The following ME1 variants were observed in gnomAD, a reference collection of about 807,000 sequenced individuals.
ME1 encodes NADP-dependent malic enzyme.
Under a neutral mutation model 66.4 loss-of-function variants are expected in ME1, and 74 were observed. The ratio of observed to expected loss-of-function variants is 1.11; its 90% CI spans 0.92 to 1.35. The LOEUF is 1.35. Among genes scored for constraint, ME1 ranks in the 40% most tolerant of loss-of-function variants. The probability of loss-of-function intolerance (pLI) is 0.00; values close to 1 mark genes in which losing one functional copy is unlikely to be tolerated. For synonymous variants in ME1, 251 were observed against 235.6 expected (o/e 1.07, Z -0.60); for missense variants, 750 against 694.1 (o/e 1.08, Z -0.90).
intron 5 of ME1, among the ~76,000 whole-genome samples, chr6:83,321,003 G>T (rs1175578995): frequency 6.6e-6 from 1 of 152,134 alleles, no homozygotes; most frequent in Non-Finnish European, 1.5e-5. Context: ...CCCACAGAGG[G>T]CAAGGAGAAG....
At chr6:83,407,604 A>G (rs1769970249) in intron 2 of ME1, among the ~76,000 whole-genome samples, 164 bp downstream of exon 2, 1 of 152,228 alleles carries the variant, frequency 6.6e-6, no homozygotes, top group Non-Finnish European at 1.5e-5. Context: ...ATGTTCCTAA[A>G]GAGAGTAAAT....
chr6:83,238,799 A>ACATATATATATAT (rs1554263094), intron 8 of ME1, among the ~76,000 whole-genome samples: 1 of 139,290 alleles, frequency 7.2e-6, no homozygotes, highest in African/African-American at 2.6e-5. Context: ...TTTCTTGAAA[A>ACATATATATATAT]ATATATATAT....
chr6:83,313,702 G>A (rs188737200), intron 6 of ME1, among the ~76,000 whole-genome samples: 37 of 152,206 alleles, frequency 2.4e-4, no homozygotes, highest in East Asian at 5.8e-4. Context: ...TTACATGAGC[G>A]TTTCACAAGA....
chr6:83,289,017 T>C (rs1199586580), intron 6 of ME1, among the ~76,000 whole-genome samples: 1 of 152,232 alleles, frequency 6.6e-6, no homozygotes, highest in East Asian at 1.9e-4. Flanking sequence ...GAGACTTTGC[T>C]GAAGTTGCTT....
At chr6:83,303,715 A>G (rs778199377) in intron 6 of ME1, among the ~76,000 whole-genome samples, 40 of 152,268 alleles carry the variant, frequency 2.6e-4, no homozygotes, top group Non-Finnish European at 4.9e-4. Flanking sequence ...CCACTTTCAT[A>G]GAATCCTAAA....
At position 83,287,523 on chromosome 6, in the gene ME1, T is replaced by C. The variant is rs144703723; in HGVS notation, c.704+27787A>G. Among the ~76,000 whole-genome samples the C allele has an allele frequency of 6.6e-3, 999 of 152,328 alleles. 10 individuals are homozygous for C. Among genetic ancestry groups the C allele is most frequent in the African/African-American group, 0.023 (948 of 41,574 alleles). On this transcript the variant is annotated intron_variant, in intron 6 of 13. Transcript: ENST00000369705. ...GCTGCGTAGTATTCCAGAGTATATATGTGCCACATTTTCTTAATCCAGTCT... is the reference window on the plus strand; with the variant it reads ...GCTGCGTAGTATTCCAGAGTATATACGTGCCACATTTTCTTAATCCAGTCT...
At position 83,223,840 on chromosome 6, in the gene ME1, C is replaced by T. The variant is rs763059246; in HGVS notation, c.1369G>A (p.Val457Met). Residue 457 changes from valine to methionine, a missense_variant, in exon 12 of 14, where the codon GTG becomes ATG. Physicochemically the swap from Val to Met is conservative, Grantham distance 21. Transcript: ENST00000369705. The part of the protein sequence containing the change: ...LYPGQGNNSY[V>M]FPGVALGVVA... ...ACACCAAGAGCAACTCCAGGGAACACATAGGAATTGTTGCCTTGGCCAGGA... is the reference window on the plus strand; with the variant it reads ...ACACCAAGAGCAACTCCAGGGAACATATAGGAATTGTTGCCTTGGCCAGGA... 6.2e-7 allele frequency: 1 copy of T among 1,614,002 alleles called. No homozygotes were observed. Among genetic ancestry groups the T allele is most frequent in the South Asian group, 1.1e-5 (1 of 91,070 alleles).
chr6:83,393,214 A>C (rs752252417), intron 3 of ME1: 10 of 1,157,092 alleles, frequency 8.6e-6, no homozygotes, highest in Non-Finnish European at 1.3e-5. Context: ...GACCCCCTCA[A>C]AGGCATCCTG....
rs59788379 is a variant in ME1, at chr6:83,406,971, T to TACACACACACACACACACAC, written c.212+777_212+796dup. Among the ~76,000 whole-genome samples, 729 of 143,922 alleles carry TACACACACACACACACACAC rather than the reference T, an allele frequency of 5.1e-3. 7 individuals carry two copies. Among genetic ancestry groups the TACACACACACACACACACAC allele is most frequent in the African/African-American group, 0.018 (676 of 38,502 alleles). The allele number at this position is 143,922 out of a possible 152,430, so 94.4% of individuals were successfully genotyped here. A position where few individuals can be genotyped will look rare whatever the true frequency, so the allele number is the denominator to read the frequency against. On this transcript the variant is annotated intron_variant, in intron 2 of 13. Coordinates refer to ENST00000369705, the MANE Select transcript of ME1 (RefSeq NM_002395.6). ...CCATTTATATTTATATTTTCATTCA[T>TACACACACACACACACACAC]ACACACACACACACACACACACACA...
At chr6:83,220,663 C>T (rs1583324669) in intron 12 of ME1, among the ~76,000 whole-genome samples, 2 of 152,142 alleles carry the variant, frequency 1.3e-5, no homozygotes, top group South Asian at 4.1e-4. Context: ...ATAATCTAGA[C>T]AAGAAGTACT....
intron 11 of ME1, 115 bp from the exon 12 acceptor site, chr6:83,224,048 G>GT: frequency 1.1e-6 from 1 of 938,850 alleles, no homozygotes; most frequent in Non-Finnish European, 1.6e-6. Context: ...AAGAAGTCTA[G>GT]TTTTTTATTA....
chr6:83,255,359 T>G lies in ME1; in HGVS notation c.705-1621A>C, dbSNP rs1005805008. Among the ~76,000 whole-genome samples, 15 of 152,080 alleles carry G rather than the reference T, an allele frequency of 9.9e-5. No homozygotes were observed. In the South Asian group the frequency reaches 3.1e-3, roughly 32 times the overall value. ...ATGGCTTTTCTAATCTAGTACACTG[T>G]GCCATTAATTATTTAGACAGTGTTC... On this transcript the variant is annotated intron_variant, in intron 6 of 13. Coordinates refer to ENST00000369705, the MANE Select transcript of ME1 (RefSeq NM_002395.6).
chr6:83,352,772 A>T (rs1254961395), intron 3 of ME1, among the ~76,000 whole-genome samples: 1 of 152,212 alleles, frequency 6.6e-6, no homozygotes, highest in Non-Finnish European at 1.5e-5. Flanking sequence ...AATTAAAATA[A>T]TAGAATTTAA....
intron 9 of ME1, among the ~76,000 whole-genome samples, chr6:83,235,203 A>G (rs1452247506): frequency 6.6e-6 from 1 of 152,142 alleles, no homozygotes; most frequent in East Asian, 1.9e-4. Context: ...AGTTGGGAGC[A>G]TCATCTCCTG....
intron 3 of ME1, among the ~76,000 whole-genome samples, chr6:83,374,868 C>T (rs1769257922): frequency 6.6e-6 from 1 of 152,120 alleles, no homozygotes; most frequent in African/African-American, 2.4e-5. Flanking sequence ...TTCCCCATTG[C>T]TTGTTTTTGT....
intron 6 of ME1, among the ~76,000 whole-genome samples, chr6:83,292,922 G>A (rs902224115): frequency 6.6e-6 from 1 of 152,170 alleles, no homozygotes; most frequent in Admixed American, 6.5e-5. Context: ...CAGTGAGCAA[G>A]GCTCCGTGGG....
intron 7 of ME1, among the ~76,000 whole-genome samples, chr6:83,243,577 A>ATATTATATTGATATAAT (rs1790551614): frequency 1.9e-5 from 1 of 53,308 alleles, no homozygotes; most frequent in East Asian, 3.8e-4. Context: ...TATTATAATT[A>ATATTATATTGATATAAT]CATTATATCG....
rs1790188393 is a variant in ME1 at position 83,225,809 on chromosome 6, TA to T, written c.1275+1525del. 5.3e-3 allele frequency among the ~76,000 whole-genome samples: 85 copies of T among 16,104 alleles called. No homozygotes were observed. In the African/African-American group the frequency reaches 0.077, roughly 15 times the overall value. 10.6% of individuals were successfully genotyped at this position (16,104 alleles called of 152,430 possible). A position where few individuals can be genotyped will look rare whatever the true frequency, so the allele number is the denominator to read the frequency against. ...TATTTGAGAAAGAGGCCTGTAACAT[TA>T]TATATATATATATATATATATATAT... On this transcript the variant is annotated intron_variant, in intron 11 of 13. Coordinates refer to ENST00000369705, the MANE Select transcript of ME1 (RefSeq NM_002395.6).
intron 6 of ME1, among the ~76,000 whole-genome samples, chr6:83,313,161 C>G (rs540768020): frequency 6.6e-6 from 1 of 152,072 alleles, no homozygotes; most frequent in Non-Finnish European, 1.5e-5. Flanking sequence ...TTAAAATAAT[C>G]TTGGGTTTAT....
Sources: allele counts gnomAD v4.1 joint callset (sites outside exome capture counted in the v4.1 genomes callset), GRCh38; gene constraint gnomAD v4.1.1; transcripts MANE v1.5; gene names NCBI Gene and HGNC (gene_info 2026-07-23, HGNC 2026-07-21).